The following USP19 variants were observed in gnomAD, a reference collection of about 807,000 sequenced individuals.
The protein encoded by USP19 is ubiquitin carboxyl-terminal hydrolase 19.
In USP19, 40 loss-of-function variants were observed where a neutral mutation model predicts 144.8. The ratio of observed to expected loss-of-function variants is 0.28; its 90% CI spans 0.21 to 0.36. USP19 has a LOEUF of 0.36. USP19 is among the 10% of genes least tolerant of loss of function. The pLI, the probability that USP19 is intolerant of heterozygous loss-of-function variation, is 1.00. For missense variants in USP19, 1,518 were observed against 1,822.5 expected (o/e 0.83, Z 3.04); for synonymous variants, 701 against 709.3 (o/e 0.99, Z 0.19).
chr3:49,111,148 A>G lies in USP19; in HGVS notation c.3347T>C (p.Leu1116Pro), dbSNP rs375043890. ...GAGAGCCAGGCTACAGTCGTCACCCAGCTCCAGTGGGGTGTCTCCTGGAGA... is the reference window on the plus strand; with the variant it reads ...GAGAGCCAGGCTACAGTCGTCACCCGGCTCCAGTGGGGTGTCTCCTGGAGA... The part of the protein sequence containing the change: ...LEDKGDTPLE[L>P]GDDCSLALVW... Residue 1116 changes from leucine (L) to proline (P), a missense_variant, in exon 23 of 27, where the codon CTG becomes CCG. Coordinates refer to ENST00000417901, the MANE Select transcript of USP19 (RefSeq NM_001199161.2). The surrounding 1 kb of genome is among the most constrained non-coding windows in gnomAD (Gnocchi z 5.9). 3 of 1,613,736 alleles carry G rather than the reference A, an allele frequency of 1.9e-6. No individual in the cohort carries two copies. The highest frequency in any genetic ancestry group is 1.7e-5 in the Admixed American group (1 of 60,002).
Position 49,116,735 on chromosome 3 carries a change from A to G in USP19, c.1118T>C (p.Leu373Ser). The G allele has an allele frequency of 6.2e-7, 1 of 1,610,112 alleles. No individual in the cohort carries two copies. The highest frequency in any genetic ancestry group is 8.5e-7 in the Non-Finnish European group (1 of 1,177,726). ...CCCACCCCCACCTTTACCATCCACC[A>G]AGGTTGCAGCATCTGCTGCCACTGC... ...EMAVAADAAT[L>S]VDEPESMVNL... The change falls in exon 7 of 27, where the codon TTG (leucine) becomes TCG (serine). Residue 373 changes from leucine to serine, a missense_variant. Physicochemically the swap from Leu to Ser is moderately radical, Grantham distance 145. This residue lies in a region of USP19 where 707 missense variants were observed against 728.9 expected (regional missense o/e 0.97). Coordinates refer to ENST00000417901, the MANE Select transcript of USP19 (RefSeq NM_001199161.2). The surrounding 1 kb of genome is among the most constrained non-coding windows in gnomAD (Gnocchi z 5.0).
intron 26 of USP19, chr3:49,109,242 C>T: frequency 6.9e-7 from 1 of 1,447,268 alleles, no homozygotes; most frequent in Non-Finnish European, 9.1e-7. Context: ...CCCAGTGTCC[C>T]TGAGACCCTT....
chr3:49,119,105 G>A lies in USP19; in HGVS notation c.41C>T (p.Pro14Leu), dbSNP rs1259830355. The change falls in exon 2 of 27, where the codon CCC becomes CTC. Residue 14 changes from proline (P) to leucine (L), a missense_variant. This residue lies in a region of USP19 where 707 missense variants were observed against 728.9 expected (regional missense o/e 0.97). Transcript: ENST00000417901. The part of the protein sequence containing the change: ...GASATGPRRG[P>L]PGLEDTTSKK... Reference sequence around the variant, plus strand: ...ACTAGTGGTGTCCTCCAGTCCTGGGGGCCCTCTCCTTGGGCCTGTGGCACT... The same window carrying A: ...ACTAGTGGTGTCCTCCAGTCCTGGGAGCCCTCTCCTTGGGCCTGTGGCACT... The A allele has an allele frequency of 1.9e-6, 3 of 1,613,836 alleles. No homozygotes were observed. In the South Asian group the frequency reaches 3.3e-5, roughly 18 times the overall value.
Position 49,111,670 on chromosome 3 carries a change from A to G in USP19, c.3047T>C (p.Leu1016Pro). 6.2e-7 allele frequency: 1 copy of G among 1,602,468 alleles called. No homozygotes were observed. Among genetic ancestry groups the G allele is most frequent in the Non-Finnish European group, 8.5e-7 (1 of 1,173,422 alleles). The change falls in exon 21 of 27, where the codon CTC (leucine) becomes CCC (proline). Residue 1016 changes from leucine to proline, a missense_variant. By Grantham distance (98) the Leu-to-Pro change is moderately conservative. Around this residue, in one of 5 missense-constraint regions of USP19, gnomAD observed 413 missense variants for 515.8 expected, o/e 0.80. Coordinates refer to ENST00000417901, the MANE Select transcript of USP19 (RefSeq NM_001199161.2). This position sits in a 1 kb window ranked among gnomAD's most constrained non-coding sequence, Gnocchi z 5.9. ...CTCAGCCATAGGGGTCACCAGCTGG[A>G]GCTCAGGTGGCTGAATGGGGTCTCT... ...SERDPIQPPE[L>P]QLVTPMAEGD...
rs750343392 is a variant in USP19, at chr3:49,109,047, G to A, written c.4039-519C>T. 1.4e-5 allele frequency: 22 copies of A among 1,612,760 alleles called. No individual in the cohort carries two copies. The highest frequency in any genetic ancestry group is 1.6e-5 in the Non-Finnish European group (19 of 1,179,518). On this transcript the variant is annotated intron_variant, in intron 26 of 26. Coordinates refer to ENST00000417901, the MANE Select transcript of USP19 (RefSeq NM_001199161.2). ...GCCACGGTGCCCAGGACAAAGTACC[G>A]GAGGCAGCCCTCATCTGGTGTGGTA... is the stretch of plus-strand genomic sequence containing the variant.
In USP19 at chr3:49,108,505, G is replaced by C; in HGVS notation, c.4062C>G (p.Pro1354=). 1 of 1,250,552 alleles carries C rather than the reference G, an allele frequency of 8.0e-7. No individual in the cohort carries two copies. The highest frequency in any genetic ancestry group is 1.0e-6 in the Non-Finnish European group (1 of 970,504). The allele number at this position is 1,250,552 out of a possible 1,614,324, so 77.5% of individuals were successfully genotyped here. A position where few individuals can be genotyped will look rare whatever the true frequency, so the allele number is the denominator to read the frequency against. The part of the protein sequence containing the change: ...ASQGLGPGQA[P]EVAPTRTAPE... The stretch of plus-strand genomic sequence containing the variant: ...GGGCTGTCCGCGTGGGGGCCACCTC[G>C]GGGGCCTGGCCAGGGCCTAGTCCCT... Residue 1354 remains proline, a synonymous_variant, in exon 27 of 27, where the codon CCC becomes CCG. Coordinates refer to ENST00000417901, the MANE Select transcript of USP19 (RefSeq NM_001199161.2). The surrounding 1 kb of genome is among the most constrained non-coding windows in gnomAD (Gnocchi z 4.8).
chr3:49,115,365 G>C lies in USP19; in HGVS notation c.1889-4C>G. ...ATCTCAGCCTCAAAGGAGCGGTCTA[G>C]GAATAGTAGCCGAGCAAAGGTGTGA... On this transcript the variant is annotated splice_polypyrimidine_tract_variant and splice_region_variant and intron_variant, in intron 12 of 26. Coordinates refer to ENST00000417901, the MANE Select transcript of USP19 (RefSeq NM_001199161.2). This position sits in a 1 kb window ranked among gnomAD's most constrained non-coding sequence, Gnocchi z 6.6. The C allele has an allele frequency of 6.2e-7, 1 of 1,614,096 alleles. No homozygotes were observed. The highest frequency in any genetic ancestry group is 8.5e-7 in the Non-Finnish European group (1 of 1,180,008).
At position 49,112,617 on chromosome 3, in the gene USP19, G is replaced by A. The variant is rs770459552; in HGVS notation, c.2518C>T (p.Arg840Cys). The A allele has an allele frequency of 4.3e-6, 7 of 1,613,178 alleles. No individual in the cohort carries two copies. Among genetic ancestry groups the A allele is most frequent in the Middle Eastern group, 1.6e-4 (1 of 6,062 alleles). ...NLRLAEVIKN[R>C]FHRVFLPSHS... Reference sequence around the variant, plus strand: ...GAGGGTAGGAACACACGATGAAAACGATTCTTAATTACCTGGGGACAGAGA... The same window carrying A: ...GAGGGTAGGAACACACGATGAAAACAATTCTTAATTACCTGGGGACAGAGA... The change falls in exon 18 of 27, where the codon CGT (arginine) becomes TGT (cysteine). Residue 840 changes from arginine to cysteine, a missense_variant. This residue lies in a region of USP19 where 413 missense variants were observed against 515.8 expected (regional missense o/e 0.80). Transcript: ENST00000417901. The surrounding 1 kb of genome is among the most constrained non-coding windows in gnomAD (Gnocchi z 4.9).
rs1267955243 is a variant in USP19 at position 49,120,785 on chromosome 3, C to G, written c.-166G>C. ...CGAGACCGCCGCAGCCAGCCCTCTT[C>G]GGGCCCTGGCAACCCGCTCTCCGTT... On this transcript the variant is annotated 5_prime_UTR_variant, in exon 1 of 27. Coordinates refer to ENST00000417901, the MANE Select transcript of USP19 (RefSeq NM_001199161.2). The G allele has an allele frequency of 8.1e-6, 2 of 247,516 alleles. No homozygotes were observed. The highest frequency in any genetic ancestry group is 2.4e-4 in the East Asian group (2 of 8,462). 15.3% of individuals were successfully genotyped at this position (247,516 alleles called of 1,614,324 possible). A position where few individuals can be genotyped will look rare whatever the true frequency, so the allele number is the denominator to read the frequency against.
In USP19 at chr3:49,115,458, C is replaced by T. The variant is rs2043925914; in HGVS notation, c.1874G>A (p.Arg625Gln). ...IQSLSNTREL[R>Q]DFFHDRSFEA... ...CCTGCCCTCACCATGGAAGAAGTCC[C>T]GGAGTTCCCGAGTGTTGGACAGAGA... The change falls in exon 12 of 27, where the codon CGG (arginine) becomes CAG (glutamine). Residue 625 changes from arginine to glutamine, a missense_variant. Arg to Gln is a conservative substitution (Grantham distance 43). Coordinates refer to ENST00000417901, the MANE Select transcript of USP19 (RefSeq NM_001199161.2). This position sits in a 1 kb window ranked among gnomAD's most constrained non-coding sequence, Gnocchi z 6.6. 1.9e-6 allele frequency: 3 copies of T among 1,614,034 alleles called. No homozygotes were observed. Among genetic ancestry groups the T allele is most frequent in the Non-Finnish European group, 2.5e-6 (3 of 1,179,900 alleles).
rs969788065 is a variant in USP19, at chr3:49,110,947, C to T, written c.3545+3G>A. On this transcript the variant is annotated splice_donor_region_variant and intron_variant, in intron 23 of 26. Transcript: ENST00000417901. This position sits in a 1 kb window ranked among gnomAD's most constrained non-coding sequence, Gnocchi z 6.1. ...CCTTATCTACTTGCTGCTCTGTTCTCACCAGGCCTCCTCGGGTGCCAGCAC... is the reference window on the plus strand; with the variant it reads ...CCTTATCTACTTGCTGCTCTGTTCTTACCAGGCCTCCTCGGGTGCCAGCAC... 13 of 1,613,998 alleles carry T rather than the reference C, an allele frequency of 8.1e-6. No homozygotes were observed. The highest frequency in any genetic ancestry group is 1.0e-5 in the Non-Finnish European group (12 of 1,180,046).
At position 49,116,746 on chromosome 3, in the gene USP19, A is replaced by C. The variant is rs750525132; in HGVS notation, c.1107T>G (p.Asp369Glu). ...CTTTACCATCCACCAAGGTTGCAGC[A>C]TCTGCTGCCACTGCCATCTCCTCCT... The part of the protein sequence containing the change: ...CAKEEMAVAA[D>E]AATLVDEPES... The change falls in exon 7 of 27, where the codon GAT (aspartate) becomes GAG (glutamate). Residue 369 changes from aspartate (D) to glutamate (E), a missense_variant. Transcript: ENST00000417901. The surrounding 1 kb of genome is among the most constrained non-coding windows in gnomAD (Gnocchi z 5.0). 6.2e-7 allele frequency: 1 copy of C among 1,611,702 alleles called. No individual in the cohort carries two copies. The highest frequency in any genetic ancestry group is 1.1e-5 in the South Asian group (1 of 90,906).
rs887045820 is a variant in USP19, at chr3:49,114,570, T to A, written c.2292+193A>T. On this transcript the variant is annotated intron_variant, in intron 15 of 26. Transcript: ENST00000417901. This position sits in a 1 kb window ranked among gnomAD's most constrained non-coding sequence, Gnocchi z 4.5. ...GCTACAACACCTTTGAGCTCTAACA[T>A]CACTTTTCCCTCAGTCAGGAAGCCT... Among the ~76,000 whole-genome samples, 2 of 152,212 alleles carry A rather than the reference T, an allele frequency of 1.3e-5. No individual in the cohort carries two copies. Among genetic ancestry groups the A allele is most frequent in the African/African-American group, 4.8e-5 (2 of 41,442 alleles).
At chr3:49,119,676 T>A (rs985599258) in intron 1 of USP19, among the ~76,000 whole-genome samples, 1 of 151,966 alleles carries the variant, frequency 6.6e-6, no homozygotes, top group African/African-American at 2.4e-5. Context: ...ACTGGAGAAA[T>A]AGAAGGTGGA....
chr3:49,113,925 A>G lies in USP19; in HGVS notation c.2505+67T>C, dbSNP rs968964534. 8.5e-6 allele frequency: 13 copies of G among 1,531,466 alleles called. No individual in the cohort carries two copies. The Admixed American group carries it at 2.0e-4, about 24-fold the overall frequency. The allele number at this position is 1,531,466 out of a possible 1,614,324, so 94.9% of individuals were successfully genotyped here. On this transcript the variant is annotated intron_variant, in intron 17 of 26. Transcript: ENST00000417901. ...TATGTCTGTAGATGCCAATGACTGT[A>G]CACACGTCTGTGGTGAGTACACACA...
In USP19 at chr3:49,116,482, C is replaced by A; in HGVS notation, c.1252G>T (p.Glu418Ter). The A allele has an allele frequency of 6.2e-7, 1 of 1,614,226 alleles. No homozygotes were observed. Among genetic ancestry groups the A allele is most frequent in the Non-Finnish European group, 8.5e-7 (1 of 1,180,046 alleles). Residue 418 changes from glutamate to a stop codon, truncating the protein, a stop_gained, in exon 8 of 27, where the codon GAG becomes TAG. Transcript: ENST00000417901. LOFTEE classifies it high-confidence loss of function. This position sits in a 1 kb window ranked among gnomAD's most constrained non-coding sequence, Gnocchi z 5.0. Reference protein sequence around the residue: ...CRDTSRVLFREQDFTLIFQTR... With the variant: ...CRDTSRVLFR ...TGGAAGATGAGCGTGAAGTCCTGCTCACGGAAAAGTACTCTTGAGGTGTCC... is the reference window on the plus strand; with the variant it reads ...TGGAAGATGAGCGTGAAGTCCTGCTAACGGAAAAGTACTCTTGAGGTGTCC...
At position 49,118,039 on chromosome 3, in the gene USP19, G is replaced by T; in HGVS notation, c.206C>A (p.Ala69Asp). The T allele has an allele frequency of 6.3e-7, 1 of 1,598,688 alleles. No individual in the cohort carries two copies. The change falls in exon 3 of 27, where the codon GCT (alanine) becomes GAT (aspartate). Residue 69 changes from alanine (A) to aspartate (D), a missense_variant. Coordinates refer to ENST00000417901, the MANE Select transcript of USP19 (RefSeq NM_001199161.2). ...ACGGTGGCGTGAGCCTGTGATCCCA[G>T]CTGCATGGGAGGCTGAGGCAGAAGG... ...GDPSASASHA[A>D]GITGSRHRTR...
At position 49,115,282 on chromosome 3, in the gene USP19, C is replaced by T; in HGVS notation, c.1968G>A (p.Leu656=). 2 of 1,614,146 alleles carry T rather than the reference C, an allele frequency of 1.2e-6. 1 individual carries two copies. Among genetic ancestry groups the T allele is most frequent in the Non-Finnish European group, 1.7e-6 (2 of 1,180,036 alleles). The change falls in exon 13 of 27, where the codon CTG becomes CTA. Residue 656 remains leucine, a synonymous_variant. Transcript: ENST00000417901. This position sits in a 1 kb window ranked among gnomAD's most constrained non-coding sequence, Gnocchi z 6.6. ...GGRLAIGFAV[L]LRALWKGTHH... is the part of the protein sequence containing the mutation. Reference sequence around the variant, plus strand: ...GGGTGCCCTTCCACAGCGCCCGAAGCAGCACGGCAAAGCCAATGGCCAGAC... The same window carrying T: ...GGGTGCCCTTCCACAGCGCCCGAAGTAGCACGGCAAAGCCAATGGCCAGAC...
rs778350641 is a variant in USP19 at position 49,111,116 on chromosome 3, G to A, written c.3379C>T (p.Arg1127Trp). 5 of 1,613,720 alleles carry A rather than the reference G, an allele frequency of 3.1e-6. No homozygotes were observed. The highest frequency in any genetic ancestry group is 1.1e-5 in the South Asian group (1 of 91,080). Reference sequence around the variant, plus strand: ...AACTCCTGCAAGCGCTCATTGTTCCGCCAGACGAGAGCCAGGCTACAGTCG... The same window carrying A: ...AACTCCTGCAAGCGCTCATTGTTCCACCAGACGAGAGCCAGGCTACAGTCG... ...GDDCSLALVWRNNERLQEFVL... is the reference protein window; with the variant it reads ...GDDCSLALVWWNNERLQEFVL... The change falls in exon 23 of 27, where the codon CGG becomes TGG. Residue 1127 changes from arginine to tryptophan, a missense_variant. Around this residue, in one of 5 missense-constraint regions of USP19, gnomAD observed 413 missense variants for 515.8 expected, o/e 0.80. Transcript: ENST00000417901. This position sits in a 1 kb window ranked among gnomAD's most constrained non-coding sequence, Gnocchi z 5.9.
Sources: gnomAD v4.1 joint callset for allele counts (sites outside exome capture counted in the v4.1 genomes callset) on GRCh38, gnomAD v4.1.1 for gene constraint, gnomAD v4.1.1 regional missense constraint, Gnocchi (gnomAD v3.1) non-coding constraint, MANE v1.5 for transcripts, NCBI Gene and HGNC (gene_info 2026-07-23, HGNC 2026-07-21) for gene names.